Variants in DKK4 observed in about 807,000 individuals in gnomAD.
DKK4 encodes dickkopf Wnt signaling pathway inhibitor 4.
Under a neutral mutation model 14.5 loss-of-function variants are expected in DKK4, and 15 were observed. The ratio of observed to expected loss-of-function variants is 1.03; its 90% CI spans 0.69 to 1.59. The LOEUF (loss-of-function observed/expected upper bound fraction) is 1.59. DKK4 is among the 40% of genes most tolerant of loss of function. DKK4 has a pLI of 0.00. For missense variants in DKK4, 272 were observed against 280.3 expected, an observed-to-expected ratio of 0.97 and a Z score of 0.21; for synonymous variants, 89 against 105.2, an observed-to-expected ratio of 0.85 and a Z score of 0.94.
chr8:42,374,599 C>T (rs549740204), intron 3 of DKK4, among the ~76,000 whole-genome samples, 162 bp downstream of exon 3: 2 of 152,190 alleles, frequency 1.3e-5, no homozygotes, highest in African/African-American at 4.8e-5. Flanking sequence ...CTACTCTCTA[C>T]GTGACCCCCA....
the DKK4 span, among the ~76,000 whole-genome samples, chr8:42,383,575 T>C: frequency 6.6e-6 from 1 of 152,252 alleles, no homozygotes; most frequent in Non-Finnish European, 1.5e-5. Context: ...AACAGGCATC[T>C]GGCTGGGAAT....
chr8:42,379,915 A>G (rs1824639901), upstream of DKK4, among the ~76,000 whole-genome samples: 1 of 152,198 alleles, frequency 6.6e-6, no homozygotes, highest in Non-Finnish European at 1.5e-5. Flanking sequence ...CAGACTGAGA[A>G]TGCCATGATC....
At chr8:42,376,831 G>C in intron 1 of DKK4, 104 bp downstream of exon 1, 1 of 942,252 alleles carries the variant, frequency 1.1e-6, no homozygotes, top group Non-Finnish European at 1.6e-6. Context: ...TTACCTGCTA[G>C]GTAAGACATT....
chr8:42,386,599 C>T, the DKK4 span, among the ~76,000 whole-genome samples: 1 of 152,182 alleles, frequency 6.6e-6, no homozygotes, highest in Non-Finnish European at 1.5e-5. Context: ...TCAAGCGATC[C>T]TCCCAGCCCC....
In DKK4 at chr8:42,377,060, G is replaced by T. The variant is rs200088483; in HGVS notation, c.-15C>A. Reference sequence around the variant, plus strand: ...GCCGCCACCATCCTTCAATCCCGGGGCTCCTGGAGGGTCCCAGCACTGTGC... The same window carrying T: ...GCCGCCACCATCCTTCAATCCCGGGTCTCCTGGAGGGTCCCAGCACTGTGC... On this transcript the variant is annotated 5_prime_UTR_variant, in exon 1 of 4. Coordinates refer to ENST00000220812, the MANE Select transcript of DKK4 (RefSeq NM_014420.3). 8.1e-6 allele frequency: 13 copies of T among 1,607,802 alleles called. No individual in the cohort carries two copies. The East Asian group carries it at 2.2e-4, about 28-fold the overall frequency.
chr8:42,375,871 A>T (rs200380063), intron 1 of DKK4, 41 bp from the exon 2 acceptor site: 22 of 1,604,816 alleles, frequency 1.4e-5, no homozygotes, highest in Non-Finnish European at 1.7e-5. Flanking sequence ...GGAAACCCCC[A>T]ACACGATGGA....
chr8:42,375,054 G>A, intron 2 of DKK4, 141 bp from the exon 3 acceptor site: 5 of 828,208 alleles, frequency 6.0e-6, no homozygotes, highest in South Asian at 1.8e-5. Flanking sequence ...TGGAACATGT[G>A]CTAAATATTT....
At chr8:42,379,376 TATAGAGAGAGAGAG>T (rs1350420479), upstream of DKK4, among the ~76,000 whole-genome samples, 269 of 45,560 alleles carry the variant, frequency 5.9e-3, 1 homozygote, top group African/African-American at 0.018. Flanking sequence ...TATATATATA[TATAGAGAGAGAGAG>T]AGAGAGAGAG....
Position 42,375,769 on chromosome 8 carries a change from T to C in DKK4, c.173A>G (p.Asp58Gly). Residue 58 changes from aspartate (D) to glycine (G), a missense_variant, in exon 2 of 4, where the codon GAT becomes GGT. Coordinates refer to ENST00000220812, the MANE Select transcript of DKK4 (RefSeq NM_014420.3). ...NTRKFCLQPR[D>G]EKPFCATCRG... ...ACATGTAGCACAGAACGGCTTCTCA[T>C]CGCGGGGCTGGAGGCAGAACTTTCT... 1 of 1,614,152 alleles carries C rather than the reference T, an allele frequency of 6.2e-7. No homozygotes were observed. Among genetic ancestry groups the C allele is most frequent in the Non-Finnish European group, 8.5e-7 (1 of 1,180,026 alleles).
At chr8:42,383,708 C>T in the DKK4 span, among the ~76,000 whole-genome samples, 6 of 152,276 alleles carry the variant, frequency 3.9e-5, no homozygotes, top group South Asian at 2.1e-4. Context: ...TTTGCAAGTC[C>T]GAGGCAGGCA....
rs1243366143 is a variant in DKK4, at chr8:42,374,335, C to G, written c.440G>C (p.Arg147Thr). 1 of 1,613,450 alleles carries G rather than the reference C, an allele frequency of 6.2e-7. No homozygotes were observed. The highest frequency in any genetic ancestry group is 1.3e-5 in the African/African-American group (1 of 74,848). The change falls in exon 4 of 4, where the codon AGA becomes ACA. Residue 147 changes from arginine to threonine, a missense_variant. Arg to Thr is a moderately conservative substitution (Grantham distance 71). Transcript: ENST00000220812. Reference sequence around the variant, plus strand: ...AAGTCCAGGGCCACAGTCAAAAGTTCTCAGACAACTTTCTCCCTCTTGTCC... The same window carrying G: ...AAGTCCAGGGCCACAGTCAAAAGTTGTCAGACAACTTTCTCCCTCTTGTCC... ...RKGQEGESCL[R>T]TFDCGPGLCC...
chr8:42,382,667 G>A, the DKK4 span, among the ~76,000 whole-genome samples: 1 of 152,218 alleles, frequency 6.6e-6, no homozygotes, highest in East Asian at 1.9e-4. Flanking sequence ...TCTGGCCAAG[G>A]TGCTGCCATA....
upstream of DKK4, among the ~76,000 whole-genome samples, chr8:42,379,843 T>C (rs549612331): frequency 4.6e-5 from 7 of 152,240 alleles, no homozygotes; most frequent in African/African-American, 1.7e-4. Context: ...CAGACCCTGA[T>C]ATGCCATGCT....
At chr8:42,386,362 T>A in the DKK4 span, among the ~76,000 whole-genome samples, 1 of 152,206 alleles carries the variant, frequency 6.6e-6, no homozygotes. Flanking sequence ...CCTTTATCTT[T>A]TTTCAATGAG....
At chr8:42,380,441 GAGGAAGGA>G (rs1237308036), upstream of DKK4, among the ~76,000 whole-genome samples, 1 of 144,136 alleles carries the variant, frequency 6.9e-6, no homozygotes, top group Non-Finnish European at 1.5e-5. Flanking sequence ...AGAAGAGAGA[GAGGAAGGA>G]AGGAAGGGAG....
chr8:42,384,453 C>A, the DKK4 span, among the ~76,000 whole-genome samples: 5 of 152,042 alleles, frequency 3.3e-5, no homozygotes, highest in African/African-American at 1.2e-4. Context: ...ACATCTGATT[C>A]TTTTCTTTAG....
At chr8:42,390,488 C>A in the DKK4 span, among the ~76,000 whole-genome samples, 23 of 150,766 alleles carry the variant, frequency 1.5e-4, no homozygotes, top group African/African-American at 4.9e-4. Flanking sequence ...CTCAGCCTCC[C>A]GAGTAGCTGG....
At chr8:42,381,640 C>A (rs1258601513), upstream of DKK4, among the ~76,000 whole-genome samples, 2 of 152,192 alleles carry the variant, frequency 1.3e-5, no homozygotes, top group African/African-American at 2.4e-5. Context: ...TGTGCATACG[C>A]CAGCCTGTCA....
upstream of DKK4, among the ~76,000 whole-genome samples, chr8:42,377,848 G>T (rs1410790052): frequency 6.6e-6 from 1 of 152,152 alleles, no homozygotes; most frequent in Non-Finnish European, 1.5e-5. Flanking sequence ...TGAAGTTAGG[G>T]TTATTAGGAA....
Sources: allele counts gnomAD v4.1 joint callset (sites outside exome capture counted in the v4.1 genomes callset), GRCh38; gene constraint gnomAD v4.1.1; transcripts MANE v1.5; gene names NCBI Gene and HGNC (gene_info 2026-07-23, HGNC 2026-07-21).